The following PKM variants were observed in gnomAD, a reference collection of about 807,000 sequenced individuals.
PKM encodes the protein pyruvate kinase PKM.
Under a neutral mutation model 49.8 loss-of-function variants are expected in PKM, and 18 were observed. That is an observed-to-expected ratio of 0.36 (90% CI 0.25 to 0.54). The LOEUF is 0.54. Ranked by LOEUF, PKM falls within the 20% of genes least tolerant of loss-of-function variation. The pLI is 0.89. For synonymous variants in PKM, 239 were observed against 261.8 expected (o/e 0.91, Z 0.84); for missense variants, 508 against 713.8 (o/e 0.71, Z 3.28).
intron 1 of PKM, 138 bp from the exon 2 acceptor site, chr15:72,219,248 G>T: frequency 1.3e-6 from 1 of 746,758 alleles, no homozygotes; most frequent in African/African-American, 1.7e-5. Context: ...AGCCAGACAT[G>T]ATCTGGTTAT....
intron 3 of PKM, 81 bp downstream of exon 3, chr15:72,217,328 A>G (rs547215215): frequency 1.2e-6 from 1 of 843,266 alleles, no homozygotes. Flanking sequence ...TGTCTAGTCC[A>G]CTGTGGCTAA....
At chr15:72,226,908 G>A (rs2082686680) in intron 1 of PKM, among the ~76,000 whole-genome samples, 1 of 152,214 alleles carries the variant, frequency 6.6e-6, no homozygotes, top group African/African-American at 2.4e-5. Flanking sequence ...CTGCAGGGGC[G>A]GGGCTTCACC....
At position 72,213,774 on chromosome 15, in the gene PKM, T is replaced by C. The variant is rs561127321; in HGVS notation, c.247-3296A>G. Among the ~76,000 whole-genome samples, 3 of 152,378 alleles carry C rather than the reference T, an allele frequency of 2.0e-5. No individual in the cohort carries two copies. The South Asian group carries it at 6.2e-4, about 32-fold the overall frequency. ...TATGGCCACTGGTCTATTCATATTT[T>C]CTATCTTTTGGATATTTATCTTTTC... On this transcript the variant is annotated intron_variant, in intron 3 of 10. Transcript: ENST00000335181.
chr15:72,202,943 GGCCTGGCT>G lies in PKM; in HGVS notation c.1141-331_1141-324del. The G allele has an allele frequency of 1.4e-6, 2 of 1,420,218 alleles. No homozygotes were observed. The highest frequency in any genetic ancestry group is 3.3e-5 in the Admixed American group (2 of 59,770). The allele number at this position is 1,420,218 out of a possible 1,614,324, so 88.0% of individuals were successfully genotyped here. On this transcript the variant is annotated intron_variant, in intron 8 of 10. Transcript: ENST00000335181. This position sits in a 1 kb window ranked among gnomAD's most constrained non-coding sequence, Gnocchi z 4.5. ...GGCTCTGTGCCCAGATGCCAGGTTG[GGCCTGGCT>G]GTCTTCTCCTAGAGCAGGTGGAGCA...
At chr15:72,229,549 G>A in intron 1 of PKM, 1 of 1,287,064 alleles carries the variant, frequency 7.8e-7, no homozygotes, top group Non-Finnish European at 1.0e-6. Flanking sequence ...GCCCTTACAT[G>A]ACTGAGTCTT....
intron 1 of PKM, among the ~76,000 whole-genome samples, chr15:72,230,385 T>C (rs2082822621): frequency 2.0e-5 from 3 of 152,282 alleles, no homozygotes; most frequent in African/African-American, 7.2e-5. Flanking sequence ...CGCCCGAGCC[T>C]GCTGGGAGCT....
chr15:72,206,668 T>C (rs1237605261), intron 8 of PKM, 60 bp downstream of exon 8: 2 of 1,545,416 alleles, frequency 1.3e-6, no homozygotes, highest in African/African-American at 1.4e-5. Flanking sequence ...GCACCAGAGC[T>C]TGCATCCATC....
At chr15:72,230,388 T>C (rs2082822777) in intron 1 of PKM, among the ~76,000 whole-genome samples, 1 of 152,216 alleles carries the variant, frequency 6.6e-6, no homozygotes, top group South Asian at 2.1e-4. Context: ...CCGAGCCTGC[T>C]GGGAGCTGGG....
At chr15:72,230,965 CCT>C in intron 1 of PKM, 149 bp downstream of exon 1, 11 of 1,286,576 alleles carry the variant, frequency 8.5e-6, no homozygotes, top group Non-Finnish European at 1.1e-5. Flanking sequence ...GAGCCGTTCT[CCT>C]CTCTCTGAGC....
chr15:72,207,001 G>T, intron 7 of PKM, 121 bp from the exon 8 acceptor site: 1 of 1,472,642 alleles, frequency 6.8e-7, no homozygotes, highest in African/African-American at 1.4e-5. Flanking sequence ...TAGGTACATG[G>T]GGGAAGGGGA....
At chr15:72,217,640 G>T in intron 2 of PKM, 140 bp from the exon 3 acceptor site, 1 of 669,198 alleles carries the variant, frequency 1.5e-6, no homozygotes, top group South Asian at 1.6e-5. Context: ...AAAAGTGCAT[G>T]GAAGGCTACT....
chr15:72,217,605 C>T, intron 2 of PKM, 105 bp from the exon 3 acceptor site: 2 of 760,934 alleles, frequency 2.6e-6, no homozygotes, highest in East Asian at 5.2e-5. Flanking sequence ...AACTTTTCCT[C>T]TCCCAAATAG....
chr15:72,227,744 CAAAAAAAAAA>C (rs34876633), intron 1 of PKM, among the ~76,000 whole-genome samples: 1 of 10,796 alleles, frequency 9.3e-5, no homozygotes, highest in African/African-American at 3.0e-4. Flanking sequence ...AAAACTATCT[CAAAAAAAAAA>C]AAAAAAAAAA....
At chr15:72,230,858 G>A (rs1425019699) in intron 1 of PKM, 5 of 1,119,102 alleles carry the variant, frequency 4.5e-6, no homozygotes, top group Non-Finnish European at 6.0e-6. Context: ...GGACCAGAAT[G>A]AGGGGGTAGG....
At chr15:72,231,193 G>C (rs2082860238), upstream of PKM, 1 of 263,786 alleles carries the variant, frequency 3.8e-6, no homozygotes, top group Non-Finnish European at 8.0e-6. Context: ...TGCTGTGCAA[G>C]GAGCCACTGC....
chr15:72,207,019 T>A, intron 7 of PKM, 108 bp downstream of exon 7: 1 of 1,488,204 alleles, frequency 6.7e-7, no homozygotes, highest in Non-Finnish European at 9.4e-7. Context: ...GGATTATCTG[T>A]GTGTTACGTG....
chr15:72,222,672 T>C (rs545057438), intron 1 of PKM: 3 of 152,374 alleles, frequency 2.0e-5, no homozygotes, highest in African/African-American at 7.2e-5. Context: ...CAGCCAGCAG[T>C]GGAAGCCTGG....
intron 1 of PKM, chr15:72,228,695 C>G: frequency 8.9e-7 from 1 of 1,125,838 alleles, no homozygotes; most frequent in Non-Finnish European, 1.2e-6. Flanking sequence ...CACAAGACAG[C>G]CCACTCCTGC....
Position 72,202,984 on chromosome 15 carries a change from G to A in PKM, c.1141-364C>T, listed in dbSNP as rs2081982178. On this transcript the variant is annotated intron_variant, in intron 8 of 10. Transcript: ENST00000335181. The surrounding 1 kb of genome is among the most constrained non-coding windows in gnomAD (Gnocchi z 4.5). ...CCTAGAGCAGGTGGAGCAAGAGGCT[G>A]GTTATCCTAACAGTGTTACCTGCCC... is the stretch of plus-strand genomic sequence containing the variant. The A allele has an allele frequency of 6.3e-7, 1 of 1,599,684 alleles. No homozygotes were observed. Among genetic ancestry groups the A allele is most frequent in the Non-Finnish European group, 8.6e-7 (1 of 1,168,082 alleles).
Sources: gnomAD v4.1 joint callset for allele counts (sites outside exome capture counted in the v4.1 genomes callset) on GRCh38, gnomAD v4.1.1 for gene constraint, Gnocchi (gnomAD v3.1) non-coding constraint, MANE v1.5 for transcripts, NCBI Gene and HGNC (gene_info 2026-07-23, HGNC 2026-07-21) for gene names.